C17orf78: variants seen among roughly 807,000 people sequenced by gnomAD.
C17orf78 encodes the protein uncharacterized protein C17orf78.
C17orf78 carries 27 observed loss-of-function variants against 31.8 expected under a neutral mutation model. The observed-to-expected ratio is 0.85, with a 90% CI of 0.63 to 1.17. The LOEUF is 1.17. Ranked by LOEUF, C17orf78 falls within the 50% of genes most tolerant of loss-of-function variation. C17orf78 has a pLI of 0.00. For missense variants in C17orf78, 258 were observed against 315.2 expected (o/e 0.82, Z 1.37); for synonymous variants, 106 against 115.1 (o/e 0.92, Z 0.51).
At chr17:37,378,437 G>T (rs775914483) in intron 2 of C17orf78, among the ~76,000 whole-genome samples, 3 of 152,380 alleles carry the variant, frequency 2.0e-5, no homozygotes, top group Middle Eastern at 3.4e-3. Context: ...CTTTGGCCAG[G>T]CATGGTGGCT....
At chr17:37,388,539 C>A in intron 4 of C17orf78, 131 bp from the exon 5 acceptor site, 1 of 1,064,018 alleles carries the variant, frequency 9.4e-7, no homozygotes, top group East Asian at 2.6e-5. Context: ...ATTGGAAATT[C>A]TGCCTCTGCC....
chr17:37,389,170 C>T (rs2050678716), intron 5 of C17orf78, 76 bp from the exon 6 acceptor site: 7 of 1,497,050 alleles, frequency 4.7e-6, no homozygotes, highest in Admixed American at 2.2e-5. Context: ...CTTTAAGTTG[C>T]CCAACAAGAG....
chr17:37,379,430 A>G (rs2050148285), intron 3 of C17orf78, 48 bp downstream of exon 3: 2 of 1,578,740 alleles, frequency 1.3e-6, no homozygotes, highest in South Asian at 1.1e-5. Context: ...TTTAGTTGAC[A>G]TCCTTGAAGG....
At position 37,391,643 on chromosome 17, in the gene C17orf78, C is replaced by T. The variant is rs776584328; in HGVS notation, c.751-4C>T. On this transcript the variant is annotated splice_polypyrimidine_tract_variant and splice_region_variant and intron_variant, in intron 6 of 6. Transcript: ENST00000615133. ...TAACTTTCATATTTCCTTTCAATCT[C>T]TAGGTTGGACAAGATGCTGCCAATT... The T allele has an allele frequency of 6.2e-7, 1 of 1,613,178 alleles. No homozygotes were observed. Among genetic ancestry groups the T allele is most frequent in the African/African-American group, 1.3e-5 (1 of 75,032 alleles).
Position 37,376,036 on chromosome 17 carries a change from A to C in C17orf78, c.-57A>C. The C allele has an allele frequency of 6.8e-7, 1 of 1,470,672 alleles. No homozygotes were observed. The highest frequency in any genetic ancestry group is 1.1e-5 in the South Asian group (1 of 87,648). 91.1% of individuals were successfully genotyped at this position (1,470,672 alleles called of 1,614,324 possible). A position where few individuals can be genotyped will look rare whatever the true frequency, so the allele number is the denominator to read the frequency against. On this transcript the variant is annotated 5_prime_UTR_variant, in exon 1 of 7. Coordinates refer to ENST00000615133, the MANE Select transcript of C17orf78 (RefSeq NM_173625.5). ...GAAAGCAACTAGAGGCAGAGCTATC[A>C]AGGGCTGTGACAGATGAGCAGTGGT... is the stretch of plus-strand genomic sequence containing the variant.
intron 3 of C17orf78, among the ~76,000 whole-genome samples, chr17:37,385,611 A>G (rs971687543): frequency 6.6e-6 from 1 of 152,196 alleles, no homozygotes; most frequent in Non-Finnish European, 1.5e-5. Context: ...CACTTGCAGC[A>G]GTCATTAAGG....
chr17:37,382,241 A>C (rs1338425780), intron 3 of C17orf78, among the ~76,000 whole-genome samples: 2 of 152,040 alleles, frequency 1.3e-5, no homozygotes, highest in East Asian at 3.9e-4. Flanking sequence ...GCATATCCAC[A>C]CTGGGGGAGA....
At chr17:37,385,837 C>T (rs572554918) in intron 3 of C17orf78, among the ~76,000 whole-genome samples, 172 bp from the exon 4 acceptor site, 1 of 152,116 alleles carries the variant, frequency 6.6e-6, no homozygotes, top group Non-Finnish European at 1.5e-5. Flanking sequence ...GTGTCTCTAT[C>T]CTCATTTACT....
chr17:37,378,586 G>A lies in C17orf78; in HGVS notation c.146-551G>A, dbSNP rs543663753. On this transcript the variant is annotated intron_variant, in intron 2 of 6. Coordinates refer to ENST00000615133, the MANE Select transcript of C17orf78 (RefSeq NM_173625.5). The stretch of plus-strand genomic sequence containing the variant: ...AAATCAGCTGGATGTGGTGGTGCAC[G>A]CCTGTAACCCCAGCTACCTGGGAGG... Among the ~76,000 whole-genome samples, 22 of 152,292 alleles carry A rather than the reference G, an allele frequency of 1.4e-4. 1 individual carries two copies. The highest frequency in any genetic ancestry group is 3.8e-4 in the African/African-American group (16 of 41,578).
intron 1 of C17orf78, among the ~76,000 whole-genome samples, chr17:37,377,163 TTATTTAATACAAGAAAGA>T (rs2050037735): frequency 6.6e-6 from 1 of 151,986 alleles, no homozygotes; most frequent in South Asian, 2.1e-4. Context: ...TCCAAAAGCT[TTATTTAATACAAGAAAGA>T]AGACAGAATA....
intron 4 of C17orf78, 58 bp downstream of exon 4, chr17:37,386,183 C>G: frequency 4.4e-6 from 5 of 1,146,978 alleles, no homozygotes; most frequent in Non-Finnish European, 6.2e-6. Flanking sequence ...AAAATGGGAA[C>G]AGAAAAGAAA....
At chr17:37,383,471 G>C (rs2050393444) in intron 3 of C17orf78, among the ~76,000 whole-genome samples, 1 of 152,152 alleles carries the variant, frequency 6.6e-6, no homozygotes, top group African/African-American at 2.4e-5. Flanking sequence ...AGATTAAATG[G>C]ATATTTGTAG....
chr17:37,381,155 G>A (rs922967407), intron 3 of C17orf78, among the ~76,000 whole-genome samples: 4 of 151,786 alleles, frequency 2.6e-5, no homozygotes, highest in Non-Finnish European at 5.9e-5. Flanking sequence ...GCTTGTTTTT[G>A]TTTTTTGTTG....
intron 1 of C17orf78, among the ~76,000 whole-genome samples, chr17:37,376,826 G>T (rs2050024574): frequency 1.3e-5 from 2 of 152,050 alleles, no homozygotes; most frequent in African/African-American, 2.4e-5. Flanking sequence ...ATGGTGGCAT[G>T]CACCTGTAAT....
intron 4 of C17orf78, among the ~76,000 whole-genome samples, chr17:37,386,395 C>G (rs2050531184): frequency 6.6e-6 from 1 of 151,944 alleles, no homozygotes; most frequent in African/African-American, 2.4e-5. Flanking sequence ...AGTTCAAGAC[C>G]AGCCTGACCA....
intron 4 of C17orf78, chr17:37,387,881 G>A (rs1322015020): frequency 6.6e-6 from 1 of 152,092 alleles, no homozygotes; most frequent in Non-Finnish European, 1.5e-5. Context: ...TGCACATTAG[G>A]GCCAGGTGAG....
intron 6 of C17orf78, among the ~76,000 whole-genome samples, chr17:37,390,621 C>T (rs1320091552): frequency 1.4e-5 from 2 of 146,986 alleles, no homozygotes; most frequent in Non-Finnish European, 3.0e-5. Flanking sequence ...AGCAAGACTC[C>T]GTCTCAAAAA....
chr17:37,379,134 C>T lies in C17orf78; in HGVS notation c.146-3C>T. On this transcript the variant is annotated splice_region_variant and splice_polypyrimidine_tract_variant and intron_variant, in intron 2 of 6. Coordinates refer to ENST00000615133, the MANE Select transcript of C17orf78 (RefSeq NM_173625.5). ...TTTTTCTATCTGGTTCTTCTCCTTC[C>T]AGAAACTCACACAGAAACCAAAAGG... 1 of 1,610,058 alleles carries T rather than the reference C, an allele frequency of 6.2e-7. No homozygotes were observed.
chr17:37,378,172 AT>A (rs1409682244), intron 2 of C17orf78, among the ~76,000 whole-genome samples: 2 of 152,168 alleles, frequency 1.3e-5, no homozygotes, highest in African/African-American at 4.8e-5. Flanking sequence ...ATGGATGGAG[AT>A]GAAAAAAGAG....
Sources: allele counts gnomAD v4.1 joint callset (sites outside exome capture counted in the v4.1 genomes callset), GRCh38; gene constraint gnomAD v4.1.1; transcripts MANE v1.5; gene names NCBI Gene and HGNC (gene_info 2026-07-23, HGNC 2026-07-21).